Variants in APC observed in about 807,000 individuals in gnomAD.
APC encodes adenomatous polyposis coli protein.
Under a neutral mutation model 247.0 loss-of-function variants are expected in APC, and 72 were observed. The observed-to-expected ratio is 0.29, with a 90% CI of 0.24 to 0.35. The LOEUF is 0.35. Among genes scored for constraint, APC ranks in the 10% least tolerant of loss-of-function variants. The pLI, the probability that APC is intolerant of heterozygous loss-of-function variation, is 1.00. For synonymous variants in APC, 1,254 were observed against 1,162.5 expected (o/e 1.08, Z -1.60); for missense variants, 3,400 against 3,360.7 (o/e 1.01, Z -0.29).
chr5:112,736,853 G>A (rs183115234), upstream of APC, among the ~76,000 whole-genome samples: 1 of 152,336 alleles, frequency 6.6e-6, no homozygotes, highest in African/African-American at 2.4e-5. Context: ...GGTGGAGGTT[G>A]CAGTGAGCGG....
intron 7 of APC, among the ~76,000 whole-genome samples, chr5:112,799,882 C>T (rs1204195151): frequency 3.3e-5 from 5 of 152,146 alleles, no homozygotes; most frequent in Admixed American, 2.6e-4. Context: ...CACTCATCCT[C>T]TACTCCTCCC....
At position 112,775,718 on chromosome 5, in the gene APC, G is replaced by A. The variant is rs1157254183; in HGVS notation, c.512G>A (p.Ser171Asn). The change falls in exon 5 of 16, where the codon AGT becomes AAT. Residue 171 changes from serine (S) to asparagine (N), a missense_variant. Around this residue, in one of 9 missense-constraint regions of APC, gnomAD observed 372 missense variants for 367.6 expected, o/e 1.01. Transcript: ENST00000257430. The stretch of plus-strand genomic sequence containing the variant: ...CAGAATCTCACTAAAAGAATAGATA[G>A]TCTTCCTTTAACTGAAAATGTAAGT... ...QLQNLTKRID[S>N]LPLTENFSLQ... 6.3e-7 allele frequency: 1 copy of A among 1,580,876 alleles called. No homozygotes were observed. The highest frequency in any genetic ancestry group is 1.4e-5 in the African/African-American group (1 of 73,496).
Position 112,841,134 on chromosome 5 carries a change from C to T in APC, c.5540C>T (p.Thr1847Met), listed in dbSNP as rs371686531. 20 of 1,612,224 alleles carry T rather than the reference C, an allele frequency of 1.2e-5. No individual in the cohort carries two copies. Among genetic ancestry groups the T allele is most frequent in the African/African-American group, 2.7e-5 (2 of 74,854 alleles). ...SFAFDSPHHY[T>M]PIEGTPYCFS... The stretch of plus-strand genomic sequence containing the variant: ...GCTTTTGATTCACCTCATCATTACA[C>T]GCCTATTGAAGGAACTCCTTACTGT... The change falls in exon 16 of 16, where the codon ACG (threonine) becomes ATG (methionine). Residue 1847 changes from threonine (T) to methionine (M), a missense_variant. By Grantham distance (81) the Thr-to-Met change is moderately conservative. Coordinates refer to ENST00000257430, the MANE Select transcript of APC (RefSeq NM_000038.6). This position sits in a 1 kb window ranked among gnomAD's most constrained non-coding sequence, Gnocchi z 4.6.
At chr5:112,728,473 G>T (rs1751923415) in intron 1 of APC, among the ~76,000 whole-genome samples, 1 of 152,114 alleles carries the variant, frequency 6.6e-6, no homozygotes, top group African/African-American at 2.4e-5. Context: ...TTCCAGTGTT[G>T]CTCAGGGAAG....
At chr5:112,765,101 G>A (rs1300307246) in intron 2 of APC, among the ~76,000 whole-genome samples, 1 of 152,004 alleles carries the variant, frequency 6.6e-6, no homozygotes, top group Non-Finnish European at 1.5e-5. Context: ...GTTTGGGGGC[G>A]ATTTCTTTGT....
intron 8 of APC, among the ~76,000 whole-genome samples, chr5:112,811,733 T>C (rs1480589227): frequency 6.6e-6 from 1 of 152,258 alleles, no homozygotes; most frequent in Non-Finnish European, 1.5e-5. Context: ...TGTTTTCTTT[T>C]GTTTCAAGTA....
At chr5:112,764,388 T>C (rs140116371) in intron 2 of APC, among the ~76,000 whole-genome samples, 5 of 152,078 alleles carry the variant, frequency 3.3e-5, no homozygotes, top group African/African-American at 1.2e-4. Flanking sequence ...AGTAAGAATA[T>C]GAAAGAGATA....
intron 4 of APC, among the ~76,000 whole-genome samples, chr5:112,773,421 T>G (rs1037273116): frequency 1.3e-5 from 2 of 152,094 alleles, no homozygotes; most frequent in Admixed American, 6.6e-5. Flanking sequence ...AACGTTACAG[T>G]TGACCCTTGA....
At chr5:112,726,685 C>G (rs1294928973) in intron 1 of APC, among the ~76,000 whole-genome samples, 2 of 152,028 alleles carry the variant, frequency 1.3e-5, no homozygotes, top group Admixed American at 6.5e-5. Context: ...CCCAGTATTT[C>G]CCTGTTTCCT....
At chr5:112,726,667 C>T (rs1388324764) in intron 1 of APC, among the ~76,000 whole-genome samples, 1 of 152,036 alleles carries the variant, frequency 6.6e-6, no homozygotes. Context: ...GAGAGCTACC[C>T]TCCTCTACCC....
intron 6 of APC, among the ~76,000 whole-genome samples, chr5:112,782,553 G>A (rs1758463442): frequency 6.6e-6 from 1 of 152,102 alleles, no homozygotes; most frequent in African/African-American, 2.4e-5. Context: ...GTGTGCATGT[G>A]CATGTATGTG....
At chr5:112,707,961 C>G (rs1167782463) in intron 1 of APC, 1 of 1,266,972 alleles carries the variant, frequency 7.9e-7, no homozygotes, top group Non-Finnish European at 1.0e-6. Flanking sequence ...CGGGACCCTA[C>G]GGTGCTCGGC....
chr5:112,785,449 G>A (rs1758833764), intron 6 of APC, among the ~76,000 whole-genome samples: 1 of 152,048 alleles, frequency 6.6e-6, no homozygotes, highest in African/African-American at 2.4e-5. Context: ...GAAAAAGCCT[G>A]CATAAAGAAA....
rs149860891 is a variant in APC at position 112,836,087 on chromosome 5, C to T, written c.1958+922C>T. 2.4e-3 allele frequency among the ~76,000 whole-genome samples: 287 copies of T among 118,910 alleles called. 2 individuals carry two copies. The highest frequency in any genetic ancestry group is 9.2e-3 in the African/African-American group (274 of 29,732). 78.0% of individuals were successfully genotyped at this position (118,910 alleles called of 152,430 possible). ...CCGGGCTGGAGTACAGTGGCACAATCTTTGCTCACTGCAACCTCTGCCTTT... is the reference window on the plus strand; with the variant it reads ...CCGGGCTGGAGTACAGTGGCACAATTTTTGCTCACTGCAACCTCTGCCTTT... On this transcript the variant is annotated intron_variant, in intron 15 of 15. Transcript: ENST00000257430.
At chr5:112,768,924 A>G (rs1177579876) in intron 4 of APC, among the ~76,000 whole-genome samples, 3 of 151,300 alleles carry the variant, frequency 2.0e-5, no homozygotes, top group African/African-American at 7.3e-5. Context: ...TATTCCTCCT[A>G]TCTAGCTGTA....
At chr5:112,796,420 TG>T (rs1236005145) in intron 7 of APC, among the ~76,000 whole-genome samples, 2 of 152,194 alleles carry the variant, frequency 1.3e-5, no homozygotes, top group African/African-American at 2.4e-5. Flanking sequence ...TGAGGAACTT[TG>T]GATTTAGTAC....
At chr5:112,767,451 A>G in intron 4 of APC, 61 bp downstream of exon 4, 5 of 1,325,300 alleles carry the variant, frequency 3.8e-6, no homozygotes, top group Non-Finnish European at 5.4e-6. Flanking sequence ...TTATTTTGTA[A>G]TATAATATTT....
chr5:112,787,974 GTATA>G (rs1561495444), intron 6 of APC, among the ~76,000 whole-genome samples: 2 of 152,014 alleles, frequency 1.3e-5, no homozygotes, highest in South Asian at 2.1e-4. Context: ...ATACATGTGT[GTATA>G]TATAGTTATG....
rs573811301 is a variant in APC at position 112,833,364 on chromosome 5, G to A, written c.1744-1587G>A. ...CACCGGGCTAATTTTTTGTATTTTA[G>A]TAGAGACAGGGTTTCACCATGTTGA... On this transcript the variant is annotated intron_variant, in intron 14 of 15. Transcript: ENST00000257430. Among the ~76,000 whole-genome samples the A allele has an allele frequency of 2.0e-5, 3 of 152,060 alleles. No homozygotes were observed. The South Asian group carries it at 6.2e-4, about 32-fold the overall frequency.
Sources: gnomAD v4.1 joint callset for allele counts (sites outside exome capture counted in the v4.1 genomes callset) on GRCh38, gnomAD v4.1.1 for gene constraint, gnomAD v4.1.1 regional missense constraint, Gnocchi (gnomAD v3.1) non-coding constraint, MANE v1.5 for transcripts, NCBI Gene and HGNC (gene_info 2026-07-23, HGNC 2026-07-21) for gene names.